GPN1: variants seen among roughly 807,000 people sequenced by gnomAD.
The protein encoded by GPN1 is ATP(GTP)-binding protein.
Under a neutral mutation model 55.9 loss-of-function variants are expected in GPN1, and 44 were observed. The ratio of observed to expected loss-of-function variants is 0.79; its 90% CI spans 0.62 to 1.01. The LOEUF is 1.01. Ranked by LOEUF, GPN1 falls within the 50% of genes least tolerant of loss-of-function variation. The pLI is 0.00. For synonymous variants in GPN1, 179 were observed against 162.5 expected, an observed-to-expected ratio of 1.10 and a Z score of -0.77; for missense variants, 466 against 462.8, an observed-to-expected ratio of 1.01 and a Z score of -0.06.
chr2:27,639,755 C>T (rs781717656), intron 9 of GPN1, among the ~76,000 whole-genome samples: 1 of 152,146 alleles, frequency 6.6e-6, no homozygotes, highest in Non-Finnish European at 1.5e-5. Context: ...AATGCTTGGC[C>T]TCAAGTGCAC....
chr2:27,644,740 T>TTTTTTTTTTTTTTTC (rs1389842515), intron 12 of GPN1, among the ~76,000 whole-genome samples: 1 of 148,524 alleles, frequency 6.7e-6, no homozygotes. Context: ...TTTTTTTTTT[T>TTTTTTTTTTTTTTTC]TTTACAGATG....
At chr2:27,629,638 C>T (rs1407415953) in intron 1 of GPN1, among the ~76,000 whole-genome samples, 2 of 152,048 alleles carry the variant, frequency 1.3e-5, no homozygotes, top group Non-Finnish European at 2.9e-5. Flanking sequence ...AGAATCAAAA[C>T]AAGTAAACAA....
rs1230586289 is a variant in GPN1 at position 27,641,234 on chromosome 2, T to C, written c.801-6T>C. The C allele has an allele frequency of 1.3e-6, 2 of 1,597,608 alleles. No individual in the cohort carries two copies. Among genetic ancestry groups the C allele is most frequent in the South Asian group, 2.2e-5 (2 of 90,626 alleles). On this transcript the variant is annotated splice_region_variant and splice_polypyrimidine_tract_variant and intron_variant, in intron 10 of 13. Transcript: ENST00000610189. ...AAAGGAATTTAGAAAGTGTTTCTCTTTACAGGGAGTATCGTCCTGAATATG... is the reference window on the plus strand; with the variant it reads ...AAAGGAATTTAGAAAGTGTTTCTCTCTACAGGGAGTATCGTCCTGAATATG...
intron 10 of GPN1, 72 bp downstream of exon 10, chr2:27,640,197 C>A (rs1244962322): frequency 2.0e-6 from 2 of 985,762 alleles, no homozygotes; most frequent in Non-Finnish European, 1.6e-6. Context: ...GCAGTTTTTC[C>A]AGGAAAAGCA....
intron 11 of GPN1, among the ~76,000 whole-genome samples, chr2:27,641,741 G>A (rs1673961591): frequency 6.6e-6 from 1 of 152,136 alleles, no homozygotes; most frequent in Non-Finnish European, 1.5e-5. Flanking sequence ...CAACATGTAT[G>A]TACCACATGC....
At chr2:27,642,542 T>C (rs781450565) in intron 12 of GPN1, 23 bp downstream of exon 12, 8 of 1,400,178 alleles carry the variant, frequency 5.7e-6, no homozygotes. Context: ...TTCTTGGTGT[T>C]AGGAACTAAA....
At chr2:27,641,378 C>A (rs888174422) in intron 11 of GPN1, 99 bp downstream of exon 11, 1 of 812,266 alleles carries the variant, frequency 1.2e-6, no homozygotes, top group South Asian at 1.8e-5. Context: ...ATTAATGTAT[C>A]TTTTATTTAA....
intron 12 of GPN1, among the ~76,000 whole-genome samples, chr2:27,646,445 A>C (rs1218715513): frequency 6.6e-6 from 1 of 152,194 alleles, no homozygotes; most frequent in South Asian, 2.1e-4. Flanking sequence ...TGTATGTATG[A>C]AGGCTTTTGA....
intron 8 of GPN1, 52 bp from the exon 9 acceptor site, chr2:27,638,833 A>G (rs781128427): frequency 8.1e-6 from 12 of 1,488,532 alleles, no homozygotes; most frequent in South Asian, 1.2e-5. Flanking sequence ...AAAAGAATAA[A>G]TTTTGCGTTT....
chr2:27,630,075 C>T lies in GPN1; in HGVS notation c.205+123C>T. On this transcript the variant is annotated intron_variant, in intron 2 of 13. Coordinates refer to ENST00000610189, the MANE Select transcript of GPN1 (RefSeq NM_007266.4). ...GGCCGAGGCAGGTAGATCACGAGGTCAGGAGTTCAAGACCAGCCTGGCCAA... is the reference window on the plus strand; with the variant it reads ...GGCCGAGGCAGGTAGATCACGAGGTTAGGAGTTCAAGACCAGCCTGGCCAA... The T allele has an allele frequency of 1.1e-5, 7 of 657,068 alleles. No individual in the cohort carries two copies. In the South Asian group the frequency reaches 1.1e-4, roughly 10 times the overall value. The allele number at this position is 657,068 out of a possible 1,614,324, so 40.7% of individuals were successfully genotyped here.
rs888174422 is a variant in GPN1, at chr2:27,641,378, C to T, written c.840+99C>T. 2.2e-5 allele frequency: 18 copies of T among 812,264 alleles called. No homozygotes were observed. In the East Asian group the frequency reaches 4.2e-4, roughly 19 times the overall value. The allele number at this position is 812,264 out of a possible 1,614,324, so 50.3% of individuals were successfully genotyped here. A position where few individuals can be genotyped will look rare whatever the true frequency, so the allele number is the denominator to read the frequency against. On this transcript the variant is annotated intron_variant, in intron 11 of 13. Coordinates refer to ENST00000610189, the MANE Select transcript of GPN1 (RefSeq NM_007266.4). ...GCTTTTGTTTTGGTTATTAATGTAT[C>T]TTTTATTTAATTAAAAAAGTTTTTT... is the stretch of plus-strand genomic sequence containing the variant.
intron 9 of GPN1, among the ~76,000 whole-genome samples, chr2:27,639,505 A>C (rs992483438): frequency 6.6e-6 from 1 of 152,020 alleles, no homozygotes; most frequent in African/African-American, 2.4e-5. Context: ...GTTCAGTCCT[A>C]ATTATCTTTT....
intron 9 of GPN1, 53 bp downstream of exon 9, chr2:27,639,084 C>G: frequency 7.0e-7 from 1 of 1,428,162 alleles, no homozygotes; most frequent in Non-Finnish European, 9.6e-7. Flanking sequence ...ATCTGTTAAC[C>G]CATAGGATTG....
rs375319527 is a variant in GPN1 at position 27,646,303 on chromosome 2, A to G, written c.932-1533A>G. Among the ~76,000 whole-genome samples, 9 of 152,228 alleles carry G rather than the reference A, an allele frequency of 5.9e-5. No homozygotes were observed. In the East Asian group the frequency reaches 1.7e-3, roughly 29 times the overall value. ...GTGATCTGCCCATTTCAGCCTCCCA[A>G]AGTGCTGGGATTACAGGCATGAGCC... On this transcript the variant is annotated intron_variant, in intron 12 of 13. Coordinates refer to ENST00000610189, the MANE Select transcript of GPN1 (RefSeq NM_007266.4).
In GPN1 at chr2:27,650,383, C is replaced by T; in HGVS notation, c.*183C>T. ...AAGTCAGGGATAGAAGACCCTTGGACCTGGCAGGTTAATGCTGATTATTCC... is the reference window on the plus strand; with the variant it reads ...AAGTCAGGGATAGAAGACCCTTGGATCTGGCAGGTTAATGCTGATTATTCC... On this transcript the variant is annotated 3_prime_UTR_variant, in exon 14 of 14. Coordinates refer to ENST00000610189, the MANE Select transcript of GPN1 (RefSeq NM_007266.4). 6.5e-6 allele frequency: 3 copies of T among 462,646 alleles called. No individual in the cohort carries two copies. The highest frequency in any genetic ancestry group is 1.2e-5 in the Non-Finnish European group (3 of 254,912). The allele number at this position is 462,646 out of a possible 1,614,324, so 28.7% of individuals were successfully genotyped here. A position where few individuals can be genotyped will look rare whatever the true frequency, so the allele number is the denominator to read the frequency against.
At chr2:27,644,271 A>C (rs1674107688) in intron 12 of GPN1, among the ~76,000 whole-genome samples, 1 of 152,126 alleles carries the variant, frequency 6.6e-6, no homozygotes, top group African/African-American at 2.4e-5. Context: ...GAGACTATAA[A>C]TATCCTTTTA....
chr2:27,640,940 C>T (rs1673921818), intron 10 of GPN1, among the ~76,000 whole-genome samples: 1 of 152,110 alleles, frequency 6.6e-6, no homozygotes, highest in Non-Finnish European at 1.5e-5. Flanking sequence ...TTATCTTTTA[C>T]TTATCTCACC....
chr2:27,635,273 A>G (rs1673689046), intron 7 of GPN1, 39 bp downstream of exon 7: 1 of 842,400 alleles, frequency 1.2e-6, no homozygotes, highest in Non-Finnish European at 1.9e-6. Context: ...CCATCAAGGT[A>G]TAAGGCCTTT....
In GPN1 at chr2:27,650,117, A is replaced by G; in HGVS notation, c.1042A>G (p.Thr348Ala). 6.3e-7 allele frequency: 1 copy of G among 1,579,278 alleles called. No individual in the cohort carries two copies. The highest frequency in any genetic ancestry group is 8.7e-7 in the Non-Finnish European group (1 of 1,148,350). The change falls in exon 14 of 14, where the codon ACA becomes GCA. Residue 348 changes from threonine (T) to alanine (A), a missense_variant and splice_region_variant. Coordinates refer to ENST00000610189, the MANE Select transcript of GPN1 (RefSeq NM_007266.4). ...SDTDDIDHRV[T>A]EESHEEPAFQ... ...GAATTGCCCTTTTTTCCTTGCAGTT[A>G]CAGAGGAAAGCCATGAAGAGCCAGC...
Sources: gnomAD v4.1 joint callset for allele counts (sites outside exome capture counted in the v4.1 genomes callset) on GRCh38, gnomAD v4.1.1 for gene constraint, MANE v1.5 for transcripts, NCBI Gene and HGNC (gene_info 2026-07-23, HGNC 2026-07-21) for gene names.